The following CFAP20DC variants were observed in gnomAD, a reference collection of about 807,000 sequenced individuals.
CFAP20DC encodes protein CFAP20DC.
CFAP20DC carries 84 observed loss-of-function variants against 101.7 expected under a neutral mutation model. The ratio of observed to expected loss-of-function variants is 0.83; its 90% CI spans 0.69 to 0.99. The LOEUF (loss-of-function observed/expected upper bound fraction) is 0.99, where lower values mean the gene tolerates loss of function less well. CFAP20DC is among the 50% of genes least tolerant of loss of function. CFAP20DC has a pLI of 0.00. For missense variants in CFAP20DC, 1,007 were observed against 970.3 expected (o/e 1.04, Z -0.50); for synonymous variants, 359 against 351.2 (o/e 1.02, Z -0.25).
At chr3:58,976,219 C>T (rs2092267902) in intron 4 of CFAP20DC, among the ~76,000 whole-genome samples, 1 of 152,132 alleles carries the variant, frequency 6.6e-6, no homozygotes, top group Non-Finnish European at 1.5e-5. Flanking sequence ...AGTTAATCTT[C>T]AGTGATGGCA....
chr3:59,008,679 G>A (rs2093500898), intron 4 of CFAP20DC, among the ~76,000 whole-genome samples: 1 of 151,782 alleles, frequency 6.6e-6, no homozygotes, highest in Admixed American at 6.6e-5. Flanking sequence ...ATGGACACAG[G>A]AAGGGGAACA....
At chr3:58,955,820 AG>A (rs1435984962) in intron 4 of CFAP20DC, among the ~76,000 whole-genome samples, 2 of 151,386 alleles carry the variant, frequency 1.3e-5, no homozygotes, top group East Asian at 4.0e-4. Context: ...AAGACTGGGG[AG>A]GATTCTGTCT....
At chr3:58,839,716 C>T (rs915789651) in intron 13 of CFAP20DC, among the ~76,000 whole-genome samples, 1 of 152,168 alleles carries the variant, frequency 6.6e-6, no homozygotes, top group Non-Finnish European at 1.5e-5. Context: ...ACTCATACTT[C>T]TGATAGCACC....
intron 4 of CFAP20DC, among the ~76,000 whole-genome samples, chr3:59,026,194 T>A (rs1036801144): frequency 3.2e-4 from 48 of 152,254 alleles, no homozygotes; most frequent in African/African-American, 2.6e-4. Flanking sequence ...CTGATTTTTT[T>A]AAAAAGAAAA....
At chr3:58,996,023 T>TATCTA (rs2108679619) in intron 4 of CFAP20DC, among the ~76,000 whole-genome samples, 1 of 151,424 alleles carries the variant, frequency 6.6e-6, no homozygotes, top group South Asian at 2.1e-4. Context: ...TCTATCTATC[T>TATCTA]ATTGTTTCTG....
At chr3:58,972,583 A>C (rs2092013852) in intron 4 of CFAP20DC, among the ~76,000 whole-genome samples, 1 of 152,172 alleles carries the variant, frequency 6.6e-6, no homozygotes, top group Admixed American at 6.6e-5. Context: ...TGAAATTAGA[A>C]AGCTTTTCTT....
intron 7 of CFAP20DC, among the ~76,000 whole-genome samples, chr3:58,879,947 G>A (rs908394930): frequency 7.3e-5 from 11 of 151,424 alleles, no homozygotes; most frequent in African/African-American, 2.2e-4. Flanking sequence ...AATAATTCTC[G>A]ATTTCCTTCT....
intron 4 of CFAP20DC, among the ~76,000 whole-genome samples, chr3:58,999,395 C>G (rs1002794892): frequency 6.6e-6 from 1 of 152,126 alleles, no homozygotes; most frequent in Non-Finnish European, 1.5e-5. Context: ...GTGGCAGTGT[C>G]AACAGAGGCC....
intron 4 of CFAP20DC, among the ~76,000 whole-genome samples, chr3:59,033,151 C>T (rs2094029144): frequency 6.6e-6 from 1 of 152,132 alleles, no homozygotes; most frequent in Non-Finnish European, 1.5e-5. Context: ...GGAATAGTAT[C>T]AACATCAACA....
chr3:58,926,764 A>T, intron 5 of CFAP20DC, among the ~76,000 whole-genome samples: 1 of 152,310 alleles, frequency 6.6e-6, no homozygotes, highest in Non-Finnish European at 1.5e-5. Context: ...GCTCCTAAAG[A>T]GTAATTTTAT....
At chr3:58,832,179 C>T (rs2076443605) in intron 13 of CFAP20DC, among the ~76,000 whole-genome samples, 1 of 152,212 alleles carries the variant, frequency 6.6e-6, no homozygotes, top group Non-Finnish European at 1.5e-5. Flanking sequence ...TGCTTAGGCT[C>T]CCTTCAGGTC....
At chr3:59,012,841 A>G (rs2093615108) in intron 4 of CFAP20DC, among the ~76,000 whole-genome samples, 1 of 152,186 alleles carries the variant, frequency 6.6e-6, no homozygotes, top group Admixed American at 6.5e-5. Flanking sequence ...TGCGATTGTT[A>G]TCACTAAAAT....
At chr3:58,915,342 T>C (rs1212680225) in intron 5 of CFAP20DC, among the ~76,000 whole-genome samples, 1 of 152,126 alleles carries the variant, frequency 6.6e-6, no homozygotes, top group Non-Finnish European at 1.5e-5. Flanking sequence ...ATGCAGGTTA[T>C]AGGGGATGGA....
intron 7 of CFAP20DC, among the ~76,000 whole-genome samples, chr3:58,872,380 T>TAA (rs60488531): frequency 2.7e-5 from 4 of 147,218 alleles, no homozygotes; most frequent in Non-Finnish European, 6.0e-5. Context: ...GCATCAGTCT[T>TAA]AAAAAAAAAA....
chr3:58,890,425 C>T (rs1195915773), intron 6 of CFAP20DC, among the ~76,000 whole-genome samples: 9 of 134,316 alleles, frequency 6.7e-5, no homozygotes, highest in South Asian at 2.4e-4. Context: ...GGTGGCTGGC[C>T]GGGCGGGGGG....
At chr3:58,966,717 G>A (rs898734160) in intron 4 of CFAP20DC, among the ~76,000 whole-genome samples, 7 of 151,824 alleles carry the variant, frequency 4.6e-5, no homozygotes, top group African/African-American at 1.7e-4. Context: ...TAGAGACGGG[G>A]TTTCAGCATG....
At chr3:58,734,514 T>A (rs1313784849) in intron 3 of CFAP20DC, 2 of 456,214 alleles carry the variant, frequency 4.4e-6, no homozygotes, top group South Asian at 3.1e-5. Context: ...TTTGTCAGCA[T>A]CTTGGATGTC....
intron 4 of CFAP20DC, among the ~76,000 whole-genome samples, chr3:58,974,598 T>C (rs2092162235): frequency 6.6e-6 from 1 of 152,138 alleles, no homozygotes; most frequent in Non-Finnish European, 1.5e-5. Flanking sequence ...AATCCTGGAA[T>C]GGCCAACCTG....
intron 15 of CFAP20DC, among the ~76,000 whole-genome samples, chr3:58,762,263 A>G (rs200507378): frequency 3.7e-4 from 56 of 151,120 alleles, no homozygotes; most frequent in African/African-American, 1.3e-3. Context: ...AGCTCTTCTT[A>G]TTGAATTGAT....
Sources: allele counts gnomAD v4.1 joint callset (sites outside exome capture counted in the v4.1 genomes callset), GRCh38; gene constraint gnomAD v4.1.1; transcripts MANE v1.5; gene names NCBI Gene and HGNC (gene_info 2026-07-23, HGNC 2026-07-21).